HIVEP3: variants seen among roughly 807,000 people sequenced by gnomAD.
HIVEP3 encodes the protein transcription factor HIVEP3.
A neutral mutation model predicts 152.8 loss-of-function variants in HIVEP3; 49 were observed. The observed-to-expected ratio is 0.32, with a 90% CI of 0.26 to 0.41. The LOEUF (loss-of-function observed/expected upper bound fraction) is 0.41, where lower values mean the gene tolerates loss of function less well. Ranked by LOEUF, HIVEP3 falls within the 10% of genes least tolerant of loss-of-function variation. HIVEP3 has a pLI of 1.00. For synonymous variants in HIVEP3, 1,269 were observed against 1,289.0 expected, an observed-to-expected ratio of 0.98 and a Z score of 0.33; for missense variants, 2,790 against 3,103.3, an observed-to-expected ratio of 0.90 and a Z score of 2.40.
intron 1 of HIVEP3, among the ~76,000 whole-genome samples, chr1:41,957,499 T>C (rs1248104940): frequency 2.6e-5 from 4 of 152,204 alleles, no homozygotes; most frequent in African/African-American, 9.6e-5. Flanking sequence ...AATTAACCTT[T>C]CTGAGCCAAT....
At chr1:41,824,221 C>T (rs969047969) in intron 1 of HIVEP3, among the ~76,000 whole-genome samples, 1 of 152,152 alleles carries the variant, frequency 6.6e-6, no homozygotes, top group African/African-American at 2.4e-5. Flanking sequence ...CCTTCTCATT[C>T]TGAATGCTAC....
rs114064425 is a variant in HIVEP3 at position 41,977,826 on chromosome 1, T to A, written n.119+57981A>T. ...TCTGATTCCTCCAGCAATCCTGCCT[T>A]TCCCTGACCCTGCTCATGGTAATAC... On this transcript the variant is annotated intron_variant and non_coding_transcript_variant, in intron 1 of 3. Transcript: ENST00000489103. Among the ~76,000 whole-genome samples, 355 of 152,330 alleles carry A rather than the reference T, an allele frequency of 2.3e-3. 1 individual carries two copies. Among genetic ancestry groups the A allele is most frequent in the African/African-American group, 8.3e-3 (346 of 41,572 alleles).
intron 1 of HIVEP3, among the ~76,000 whole-genome samples, chr1:41,946,576 G>A (rs4660587): frequency 2.0e-5 from 3 of 152,018 alleles, no homozygotes; most frequent in Non-Finnish European, 4.4e-5. Flanking sequence ...AGCCCCACTC[G>A]CTTGTTAGGG....
intron 2 of HIVEP3, among the ~76,000 whole-genome samples, chr1:41,696,653 G>A (rs1040262600): frequency 2.0e-5 from 3 of 152,166 alleles, no homozygotes; most frequent in African/African-American, 7.2e-5. Flanking sequence ...GCTGCCTCTT[G>A]TTCCTCCCAA....
At chr1:41,586,305 C>A (rs751755601) in intron 3 of HIVEP3, among the ~76,000 whole-genome samples, 2 of 152,144 alleles carry the variant, frequency 1.3e-5, no homozygotes. Flanking sequence ...GGAACAGGGT[C>A]GGAATCCCAA....
At chr1:41,864,355 A>C (rs758650925) in intron 1 of HIVEP3, among the ~76,000 whole-genome samples, 6 of 152,332 alleles carry the variant, frequency 3.9e-5, no homozygotes, top group Admixed American at 2.0e-4. Flanking sequence ...CTTATGGATA[A>C]GAAAATGAAG....
At chr1:41,703,663 C>T (rs762170929) in intron 1 of HIVEP3, among the ~76,000 whole-genome samples, 2 of 152,212 alleles carry the variant, frequency 1.3e-5, no homozygotes, top group Non-Finnish European at 2.9e-5. Flanking sequence ...GTATCTCCTG[C>T]ACCTAGCATA....
At position 41,948,288 on chromosome 1, in the gene HIVEP3, G is replaced by A. The variant is rs1472021833; in HGVS notation, n.120-29764C>T. On this transcript the variant is annotated intron_variant and non_coding_transcript_variant, in intron 1 of 3. Transcript: ENST00000489103. ...AGCCCTCACTCGGGCACTAGAATTAGGAGAAGGAAAAAGGGTAAATATATA... is the reference window on the plus strand; with the variant it reads ...AGCCCTCACTCGGGCACTAGAATTAAGAGAAGGAAAAAGGGTAAATATATA... Among the ~76,000 whole-genome samples the A allele has an allele frequency of 2.6e-5, 4 of 152,320 alleles. No individual in the cohort carries two copies. In the South Asian group the frequency reaches 6.2e-4, roughly 24 times the overall value.
At chr1:41,854,793 C>A (rs1264179134) in intron 1 of HIVEP3, among the ~76,000 whole-genome samples, 1 of 57,982 alleles carries the variant, frequency 1.7e-5, no homozygotes, top group African/African-American at 9.8e-5. Context: ...TTTGTTCTTG[C>A]GATAGTTTAC....
In HIVEP3 at chr1:41,513,437, G is replaced by A; in HGVS notation, c.5784C>T (p.Ser1928=). The part of the protein sequence containing the change: ...VSEAERLTAS[S]CSMSSQSMPG... ...GCATGCTCTGGCTGGACATGGAGCA[G>A]CTGCTGGCTGTCAGGCGCTCAGCTT... The change falls in exon 8 of 9, where the codon AGC becomes AGT. Residue 1928 remains serine (S), a synonymous_variant. Coordinates refer to ENST00000372583, the MANE Select transcript of HIVEP3 (RefSeq NM_024503.5). The A allele has an allele frequency of 6.2e-7, 1 of 1,612,226 alleles. No homozygotes were observed. Among genetic ancestry groups the A allele is most frequent in the Non-Finnish European group, 8.5e-7 (1 of 1,179,710 alleles).
At chr1:41,749,603 G>A (rs1038147988) in intron 1 of HIVEP3, among the ~76,000 whole-genome samples, 2 of 152,154 alleles carry the variant, frequency 1.3e-5, no homozygotes, top group African/African-American at 4.8e-5. Flanking sequence ...TAGATCAGCC[G>A]TGTGCTCTCT....
intron 2 of HIVEP3, among the ~76,000 whole-genome samples, chr1:41,694,199 C>G (rs909399028): frequency 6.6e-5 from 10 of 152,224 alleles, no homozygotes; most frequent in African/African-American, 2.4e-4. Context: ...CTTTTTCCCT[C>G]TATGCTTTCT....
chr1:41,850,697 G>A (rs932057537), intron 1 of HIVEP3, among the ~76,000 whole-genome samples: 1 of 152,178 alleles, frequency 6.6e-6, no homozygotes, highest in Non-Finnish European at 1.5e-5. Flanking sequence ...GCAATTCTTG[G>A]TTCCCTCCAA....
At chr1:41,849,463 C>T in intron 1 of HIVEP3, among the ~76,000 whole-genome samples, 1 of 152,218 alleles carries the variant, frequency 6.6e-6, no homozygotes, top group East Asian at 1.9e-4. Context: ...TTGCTAACCC[C>T]TCCTCCATGC....
chr1:41,646,739 T>C (rs552686051), intron 2 of HIVEP3, among the ~76,000 whole-genome samples: 1 of 152,338 alleles, frequency 6.6e-6, no homozygotes, highest in African/African-American at 2.4e-5. Context: ...TTGTACTGCA[T>C]ACTTTAGTTT....
chr1:41,878,742 C>G (rs558871376), intron 1 of HIVEP3, among the ~76,000 whole-genome samples: 259 of 144,004 alleles, frequency 1.8e-3, no homozygotes, highest in African/African-American at 6.4e-3. Flanking sequence ...TCCTTCCCCC[C>G]TCCCTCCCTC....
At chr1:41,603,070 T>C (rs1644769332) in intron 3 of HIVEP3, among the ~76,000 whole-genome samples, 1 of 152,100 alleles carries the variant, frequency 6.6e-6, no homozygotes, top group East Asian at 1.9e-4. Flanking sequence ...TATTTATTTT[T>C]ATTTTTTATT....
intron 3 of HIVEP3, among the ~76,000 whole-genome samples, chr1:41,604,314 T>C (rs1644787600): frequency 6.6e-6 from 1 of 152,198 alleles, no homozygotes; most frequent in Non-Finnish European, 1.5e-5. Context: ...TAAATTGTGG[T>C]ATATTCATAT....
chr1:41,579,741 G>A lies in HIVEP3; in HGVS notation c.5057C>T (p.Thr1686Ile). 1 of 1,572,822 alleles carries A rather than the reference G, an allele frequency of 6.4e-7. No individual in the cohort carries two copies. The highest frequency in any genetic ancestry group is 2.3e-5 in the East Asian group (1 of 44,222). The part of the protein sequence containing the change: ...VPSSSRKPRM[T>I]EVHLPSLVSP... ...GAAAAACAAGGCTGAACTTACCTCT[G>A]TCATGCGGGGCTTGCGGGAGCTGGA... is the stretch of plus-strand genomic sequence containing the variant. Residue 1686 changes from threonine to isoleucine, a missense_variant, in exon 4 of 9, where the codon ACA (threonine) becomes ATA (isoleucine). Transcript: ENST00000372583.
Sources: gnomAD v4.1 joint callset for allele counts (sites outside exome capture counted in the v4.1 genomes callset) on GRCh38, gnomAD v4.1.1 for gene constraint, MANE v1.5 for transcripts, NCBI Gene and HGNC (gene_info 2026-07-23, HGNC 2026-07-21) for gene names.